The following AGXT2 variants were observed in gnomAD, a reference collection of about 807,000 sequenced individuals.
The protein encoded by AGXT2 is alanine--glyoxylate aminotransferase 2.
AGXT2 carries 61 observed loss-of-function variants against 62.5 expected under a neutral mutation model. That is an observed-to-expected ratio of 0.98 (90% CI 0.79 to 1.21). AGXT2 has a LOEUF of 1.21. Among genes scored for constraint, AGXT2 ranks in the 50% most tolerant of loss-of-function variants. AGXT2 has a pLI of 0.00. For missense variants in AGXT2, 666 were observed against 641.5 expected, an observed-to-expected ratio of 1.04 and a Z score of -0.41; for synonymous variants, 243 against 218.7, an observed-to-expected ratio of 1.11 and a Z score of -0.98.
intron 7 of AGXT2, among the ~76,000 whole-genome samples, chr5:35,027,753 C>T (rs902646415): frequency 6.0e-5 from 9 of 150,992 alleles, no homozygotes; most frequent in African/African-American, 2.2e-4. Context: ...TCTGAGTTTG[C>T]AGCTTCCAAG....
Position 34,998,574 on chromosome 5 carries a change from T to C in AGXT2, c.*145A>G, listed in dbSNP as rs1342882445. 4 of 681,416 alleles carry C rather than the reference T, an allele frequency of 5.9e-6. No homozygotes were observed. Among genetic ancestry groups the C allele is most frequent in the African/African-American group, 3.6e-5 (2 of 55,934 alleles). 42.2% of individuals were successfully genotyped at this position (681,416 alleles called of 1,614,324 possible). A position where few individuals can be genotyped will look rare whatever the true frequency, so the allele number is the denominator to read the frequency against. On this transcript the variant is annotated 3_prime_UTR_variant, in exon 14 of 14. Transcript: ENST00000231420. The stretch of plus-strand genomic sequence containing the variant: ...GGGCTCTGCTAACAAATATGGTTGG[T>C]AGGCAGTCAACCATGACTTTTACAG...
At chr5:35,035,730 C>A (rs960215355) in intron 4 of AGXT2, among the ~76,000 whole-genome samples, 4 of 152,188 alleles carry the variant, frequency 2.6e-5, no homozygotes, top group African/African-American at 9.7e-5. Context: ...TCTGACTCTG[C>A]AACTCCAGGG....
At chr5:35,007,086 G>A (rs554536139) in intron 12 of AGXT2, among the ~76,000 whole-genome samples, 1 of 152,260 alleles carries the variant, frequency 6.6e-6, no homozygotes, top group South Asian at 2.1e-4. Context: ...GGGCCTTTGA[G>A]AGGTGATTAG....
rs761331893 is a variant in AGXT2 at position 35,012,947 on chromosome 5, A to C, written c.1188+7T>G. 4 of 1,551,538 alleles carry C rather than the reference A, an allele frequency of 2.6e-6. No individual in the cohort carries two copies. The highest frequency in any genetic ancestry group is 1.4e-5 in the African/African-American group (1 of 73,066). ...TGAGTGAGGTTAATGTGGCCGCTGG[A>C]ACCAACCTCAAGCACAGCAGATCCA... On this transcript the variant is annotated splice_region_variant and intron_variant, in intron 11 of 13. Transcript: ENST00000231420.
intron 9 of AGXT2, among the ~76,000 whole-genome samples, chr5:35,022,551 C>T (rs1580589917): frequency 1.6e-5 from 2 of 123,290 alleles, no homozygotes. Flanking sequence ...GGAAGGGGAG[C>T]ATCACAGTCT....
rs764896497 is a variant in AGXT2, at chr5:35,035,302, C to T, written c.501G>A (p.Val167=). Residue 167 remains valine, a synonymous_variant, in exon 5 of 14, where the codon GTG becomes GTA. Coordinates refer to ENST00000231420, the MANE Select transcript of AGXT2 (RefSeq NM_031900.4). ...GCTCATTGGCTTCTGAGCCACTGTTCACCAAGAAAATGACCTGGAGAGGAA... is the reference window on the plus strand; with the variant it reads ...GCTCATTGGCTTCTGAGCCACTGTTTACCAAGAAAATGACCTGGAGAGGAA... ...LPEPLKVIFL[V]NSGSEANELA... The T allele has an allele frequency of 9.9e-6, 16 of 1,613,902 alleles. No homozygotes were observed. The highest frequency in any genetic ancestry group is 1.4e-5 in the Non-Finnish European group (16 of 1,179,928).
intron 7 of AGXT2, among the ~76,000 whole-genome samples, chr5:35,030,119 T>G (rs1313352575): frequency 2.0e-5 from 3 of 152,238 alleles, no homozygotes; most frequent in Admixed American, 6.5e-5. Flanking sequence ...CCTTCCCAGG[T>G]CCTAAAGGCA....
At chr5:35,022,047 TG>T (rs1253372039) in intron 9 of AGXT2, among the ~76,000 whole-genome samples, 1 of 152,052 alleles carries the variant, frequency 6.6e-6, no homozygotes, top group Non-Finnish European at 1.5e-5. Flanking sequence ...CCAGTTAGAA[TG>T]GTGATCATTA....
chr5:35,039,593 A>G, intron 2 of AGXT2, 85 bp from the exon 3 acceptor site: 2 of 1,425,222 alleles, frequency 1.4e-6, no homozygotes, highest in East Asian at 4.6e-5. Context: ...CAGGCTCTCT[A>G]GTGGACAGAG....
intron 1 of AGXT2, among the ~76,000 whole-genome samples, chr5:35,044,833 G>C (rs1474430454): frequency 6.6e-6 from 1 of 152,230 alleles, no homozygotes; most frequent in Non-Finnish European, 1.5e-5. Flanking sequence ...CTTGGCATGT[G>C]TTAAATCAGT....
rs568001691 is a variant in AGXT2 at position 35,007,692 on chromosome 5, C to T, written c.1338+2308G>A. 5.9e-5 allele frequency among the ~76,000 whole-genome samples: 9 copies of T among 152,154 alleles called. No homozygotes were observed. In the South Asian group the frequency reaches 6.2e-4, roughly 11 times the overall value. ...ATGCTTATACTAACAAATGGTTCAG[C>T]GAAGAGAAAAAGAGCCCCTTCTATA... On this transcript the variant is annotated intron_variant, in intron 12 of 13. Coordinates refer to ENST00000231420, the MANE Select transcript of AGXT2 (RefSeq NM_031900.4).
intron 7 of AGXT2, 85 bp from the exon 8 acceptor site, chr5:35,026,595 A>G (rs78001254): frequency 2.8e-6 from 2 of 701,790 alleles, no homozygotes; most frequent in Admixed American, 6.1e-5. Context: ...GAAAAACAGG[A>G]AAAAAAAAAA....
Position 35,045,607 on chromosome 5 carries a change from T to C in AGXT2, c.88+2198A>G, listed in dbSNP as rs37378. ...ATGGCAGGTGCTCAATAAATGTATG[T>C]TAGTGAGTGTGTGTTTGGATGAGCA... is the stretch of plus-strand genomic sequence containing the variant. On this transcript the variant is annotated intron_variant, in intron 1 of 13. Coordinates refer to ENST00000231420, the MANE Select transcript of AGXT2 (RefSeq NM_031900.4). Among the ~76,000 whole-genome samples the C allele has an allele frequency of 4.6e-5, 7 of 152,212 alleles. No individual in the cohort carries two copies. In the East Asian group the frequency reaches 1.4e-3, roughly 29 times the overall value.
intron 3 of AGXT2, among the ~76,000 whole-genome samples, chr5:35,038,497 T>C (rs1054478209): frequency 6.6e-6 from 1 of 152,188 alleles, no homozygotes; most frequent in Non-Finnish European, 1.5e-5. Context: ...GGTCTCCTGA[T>C]GATGGAAGAG....
intron 7 of AGXT2, among the ~76,000 whole-genome samples, chr5:35,031,962 T>A (rs148387068): frequency 0.13 from 19,245 of 147,164 alleles, 1,215 homozygotes; most frequent in Middle Eastern, 0.17. Flanking sequence ...TTTTTTTTTT[T>A]TTTTTTTTGA....
chr5:35,047,228 C>T lies in AGXT2; in HGVS notation c.88+577G>A, dbSNP rs148052968. On this transcript the variant is annotated intron_variant, in intron 1 of 13. Coordinates refer to ENST00000231420, the MANE Select transcript of AGXT2 (RefSeq NM_031900.4). The stretch of plus-strand genomic sequence containing the variant: ...CTGAAGTGAGAGGATTGCTTGAGCC[C>T]GGGAGTTCGAGACCAACTTGAGCAA... 3.0e-3 allele frequency among the ~76,000 whole-genome samples: 457 copies of T among 152,224 alleles called. 3 individuals carry two copies. The highest frequency in any genetic ancestry group is 0.01 in the African/African-American group (435 of 41,546).
chr5:34,998,854 C>A (rs1459938270), intron 13 of AGXT2, 28 bp from the exon 14 acceptor site: 1 of 1,476,176 alleles, frequency 6.8e-7, no homozygotes, highest in African/African-American at 1.4e-5. Context: ...AATAAGAAAA[C>A]AAATCATCAG....
At chr5:35,026,204 C>G (rs1240989856) in intron 8 of AGXT2, 3 of 618,884 alleles carry the variant, frequency 4.8e-6, no homozygotes, top group Non-Finnish European at 8.5e-6. Flanking sequence ...TCGGTAGTTT[C>G]ATCTGTCTGG....
At chr5:35,003,373 G>T (rs1304881384) in intron 13 of AGXT2, among the ~76,000 whole-genome samples, 1 of 152,120 alleles carries the variant, frequency 6.6e-6, no homozygotes, top group African/African-American at 2.4e-5. Context: ...AGCTAAGAAC[G>T]GCCAGAATTG....
Sources: gnomAD v4.1 joint callset for allele counts (sites outside exome capture counted in the v4.1 genomes callset) on GRCh38, gnomAD v4.1.1 for gene constraint, MANE v1.5 for transcripts, NCBI Gene and HGNC (gene_info 2026-07-23, HGNC 2026-07-21) for gene names.